The following SMARCA1 variants were observed in gnomAD, a reference collection of about 807,000 sequenced individuals.
SMARCA1 encodes SNF2 related chromatin remodeling ATPase 1.
Under a neutral mutation model 93.6 loss-of-function variants are expected in SMARCA1, and 17 were observed. The ratio of observed to expected loss-of-function variants is 0.18; its 90% CI spans 0.12 to 0.27. The LOEUF is 0.27. Ranked by LOEUF, SMARCA1 falls within the 10% of genes least tolerant of loss-of-function variation. SMARCA1 has a pLI of 1.00. For missense variants in SMARCA1, 630 were observed against 819.0 expected (o/e 0.77, Z 2.82); for synonymous variants, 271 against 271.4 (o/e 1.00, Z 0.01).
intron 20 of SMARCA1, 124 bp downstream of exon 20, chrX:129,471,080 T>C (rs1216781401): frequency 4.3e-6 from 2 of 461,000 alleles, no homozygotes; most frequent in African/African-American, 5.0e-5. Flanking sequence ...GTTTACAAAA[T>C]AGCCCTGAGT....
chrX:129,473,392 A>G (rs1030866575), intron 19 of SMARCA1, among the ~76,000 whole-genome samples: 3 of 112,081 alleles, frequency 2.7e-5, no homozygotes, highest in Non-Finnish European at 5.6e-5. Context: ...GATTAAAAAC[A>G]ACTTCTCTTC....
At chrX:129,490,518 A>T (rs1342907499) in intron 14 of SMARCA1, among the ~76,000 whole-genome samples, 2 of 112,201 alleles carry the variant, frequency 1.8e-5, no homozygotes, top group Non-Finnish European at 3.8e-5. Flanking sequence ...ACTAGCAAGG[A>T]ATTTTATTAA....
chrX:129,476,095 T>A (rs976887636), intron 19 of SMARCA1, among the ~76,000 whole-genome samples: 2 of 112,495 alleles, frequency 1.8e-5, no homozygotes, highest in Non-Finnish European at 3.7e-5. Context: ...CTGGATTTTT[T>A]ATGCTGTAAT....
At chrX:129,507,564 T>A (rs1253311359) in intron 7 of SMARCA1, among the ~76,000 whole-genome samples, 1 of 112,728 alleles carries the variant, frequency 8.9e-6, no homozygotes, top group Non-Finnish European at 1.9e-5. Flanking sequence ...ATGTTCCATC[T>A]TTTTTCTTGA....
chrX:129,471,867 A>G (rs1933139036), intron 19 of SMARCA1, among the ~76,000 whole-genome samples: 1 of 112,148 alleles, frequency 8.9e-6, no homozygotes, highest in Non-Finnish European at 1.9e-5. Flanking sequence ...AACAGAGAAT[A>G]TAAGAGGGAA....
chrX:129,455,424 G>A (rs1475159240), intron 23 of SMARCA1, among the ~76,000 whole-genome samples: 2 of 101,320 alleles, frequency 2.0e-5, no homozygotes, highest in African/African-American at 3.6e-5. Flanking sequence ...ATGGACACAA[G>A]GAAGGGAACA....
intron 5 of SMARCA1, among the ~76,000 whole-genome samples, chrX:129,514,204 C>T (rs193063970): frequency 0.018 from 2,025 of 111,635 alleles, 43 homozygotes; most frequent in African/African-American, 0.063. Context: ...GTAGTCCCAG[C>T]TACTCGGGAG....
chrX:129,522,098 A>C (rs1301488894), intron 1 of SMARCA1, among the ~76,000 whole-genome samples: 1 of 111,701 alleles, frequency 9.0e-6, no homozygotes, highest in Non-Finnish European at 1.9e-5. Context: ...ACCATTAGTT[A>C]TGCAATTTTA....
At chrX:129,464,895 A>G (rs1932871522) in intron 23 of SMARCA1, among the ~76,000 whole-genome samples, 1 of 112,116 alleles carries the variant, frequency 8.9e-6, no homozygotes, top group South Asian at 3.7e-4. Flanking sequence ...TCTTACAATG[A>G]GTAATGAGGT....
intron 19 of SMARCA1, among the ~76,000 whole-genome samples, chrX:129,478,338 G>A (rs1190344715): frequency 8.9e-6 from 1 of 111,773 alleles, no homozygotes; most frequent in Admixed American, 9.5e-5. Context: ...TCAATAAATA[G>A]GTATTACACT....
At chrX:129,512,079 T>A in intron 5 of SMARCA1, 96 bp from the exon 6 acceptor site, 1 of 647,075 alleles carries the variant, frequency 1.5e-6, no homozygotes, top group South Asian at 3.2e-5. Flanking sequence ...TTGTCCACTA[T>A]CTCGCAAAGG....
rs112534816 is a variant in SMARCA1, at chrX:129,463,861, C to T, written c.3030+1659G>A. ...CTGAGACATGAGAATTGCTTGAACC[C>T]GGGAGGTGGAGGTTGCAGTGAGCCA... On this transcript the variant is annotated intron_variant, in intron 23 of 24. Transcript: ENST00000371121. Among the ~76,000 whole-genome samples the T allele has an allele frequency of 4.4e-4, 49 of 111,192 alleles. 1 individual carries two copies. Among genetic ancestry groups the T allele is most frequent in the African/African-American group, 1.3e-3 (39 of 30,607 alleles).
At chrX:129,464,571 T>C (rs935428680) in intron 23 of SMARCA1, among the ~76,000 whole-genome samples, 29 of 112,277 alleles carry the variant, frequency 2.6e-4, no homozygotes, top group African/African-American at 8.7e-4. Flanking sequence ...GGAAATCACA[T>C]AAGCTAAAAT....
rs3736692 is a variant in SMARCA1 at position 129,481,001 on chromosome X, T to A, written c.2328+74A>T. 0.012 allele frequency: 8,047 copies of A among 665,889 alleles called. 218 individuals are homozygous for A. In the East Asian group the frequency reaches 0.13, roughly 11 times the overall value. 54.9% of individuals were successfully genotyped at this position (665,889 alleles called of 1,213,427 possible). On this transcript the variant is annotated intron_variant, in intron 18 of 24. Transcript: ENST00000371121. ...GACTATGATTTGGCAATGATACAAG[T>A]AAATCTGACCCATAGATCATGTTGC...
chrX:129,488,658 C>G (rs1475867242), intron 16 of SMARCA1, among the ~76,000 whole-genome samples: 2 of 86,860 alleles, frequency 2.3e-5, no homozygotes, highest in Non-Finnish European at 4.7e-5. Flanking sequence ...TGTGATTAAA[C>G]ACAAAATTTA....
At chrX:129,483,118 C>G (rs1933754493) in intron 17 of SMARCA1, among the ~76,000 whole-genome samples, 1 of 112,212 alleles carries the variant, frequency 8.9e-6, no homozygotes, top group African/African-American at 3.2e-5. Flanking sequence ...AAGTAGATGG[C>G]TACTCAATAT....
rs921248882 is a variant in SMARCA1, at chrX:129,465,677, T to C, written c.2873A>G (p.Lys958Arg). The change falls in exon 23 of 25, where the codon AAA (lysine) becomes AGA (arginine). Residue 958 changes from lysine to arginine, a missense_variant. This residue lies in a region of SMARCA1 where 93 missense variants were observed against 160.8 expected (regional missense o/e 0.58). Coordinates refer to ENST00000371121, the MANE Select transcript of SMARCA1 (RefSeq NM_001282874.2). Reference sequence around the variant, plus strand: ...TTCTTCCTCAGTATAGTTCTTTCCTTTGCTGGTTCCATACTGAATGCGCAA... The same window carrying C: ...TTCTTCCTCAGTATAGTTCTTTCCTCTGCTGGTTCCATACTGAATGCGCAA... The part of the protein sequence containing the change: ...HQLRIQYGTS[K>R]GKNYTEEEDR... 13 of 1,200,467 alleles carry C rather than the reference T, an allele frequency of 1.1e-5. No homozygotes were observed. Among genetic ancestry groups the C allele is most frequent in the Non-Finnish European group, 1.5e-5 (13 of 889,787 alleles).
chrX:129,498,125 A>C lies in SMARCA1; in HGVS notation c.1278-54T>G, dbSNP rs1934407914. 3 of 717,902 alleles carry C rather than the reference A, an allele frequency of 4.2e-6. No individual in the cohort carries two copies. The African/African-American group carries it at 6.4e-5, about 15-fold the overall frequency. The allele number at this position is 717,902 out of a possible 1,213,427, so 59.2% of individuals were successfully genotyped here. ...AATTACTAGAAAGTTAATGTCATAA[A>C]CAAATGTTCCTTTGGCCATCAGATT... On this transcript the variant is annotated intron_variant, in intron 10 of 24. Transcript: ENST00000371121.
intron 23 of SMARCA1, among the ~76,000 whole-genome samples, chrX:129,458,955 A>G (rs1292111522): frequency 9.0e-6 from 1 of 111,186 alleles, no homozygotes. Flanking sequence ...GTTCCTAGTC[A>G]CTTTTGAATC....
Sources: allele counts gnomAD v4.1 joint callset (sites outside exome capture counted in the v4.1 genomes callset), GRCh38; gene constraint gnomAD v4.1.1; regional missense constraint gnomAD v4.1.1; transcripts MANE v1.5; gene names NCBI Gene and HGNC (gene_info 2026-07-23, HGNC 2026-07-21).